The following FHIT variants were observed in gnomAD, a reference collection of about 807,000 sequenced individuals.
FHIT encodes bis(5'-adenosyl)-triphosphatase.
In FHIT, 19 loss-of-function variants were observed where a neutral mutation model predicts 17.9. That is an observed-to-expected ratio of 1.06 (90% CI 0.74 to 1.56). The LOEUF (loss-of-function observed/expected upper bound fraction) is 1.56. Ranked by LOEUF, FHIT falls within the 40% of genes most tolerant of loss-of-function variation. The pLI is 0.00. For missense variants in FHIT, 248 were observed against 189.2 expected (o/e 1.31, Z -1.82); for synonymous variants, 81 against 69.7 (o/e 1.16, Z -0.81).
At chr3:60,945,297 T>A (rs1553775480) in intron 3 of FHIT, among the ~76,000 whole-genome samples, 1 of 152,218 alleles carries the variant, frequency 6.6e-6, no homozygotes, top group Admixed American at 6.5e-5. Context: ...GAGAGTGGTA[T>A]GAGACTAGGT....
At chr3:59,804,085 T>A (rs996587520) in intron 8 of FHIT, among the ~76,000 whole-genome samples, 16 of 152,320 alleles carry the variant, frequency 1.1e-4, no homozygotes, top group Admixed American at 8.5e-4. Flanking sequence ...TGTGGCTTGA[T>A]CATGACATAT....
At chr3:61,242,009 G>C (rs1339994516) in intron 1 of FHIT, among the ~76,000 whole-genome samples, 2 of 152,150 alleles carry the variant, frequency 1.3e-5, no homozygotes, top group Admixed American at 6.5e-5. Flanking sequence ...ATAACCTCCT[G>C]GTGGGCAGAA....
At chr3:60,184,012 G>A (rs535584127) in intron 5 of FHIT, among the ~76,000 whole-genome samples, 1 of 143,676 alleles carries the variant, frequency 7.0e-6, no homozygotes, top group East Asian at 2.0e-4. Context: ...TTTTTTTTGA[G>A]TCAGGGTCTT....
chr3:60,369,590 C>A (rs1011773116), intron 5 of FHIT, among the ~76,000 whole-genome samples: 2 of 152,290 alleles, frequency 1.3e-5, no homozygotes, highest in African/African-American at 4.8e-5. Flanking sequence ...GATCCTTTCA[C>A]GCTTGCTTTT....
chr3:60,297,476 C>T (rs1346851809), intron 5 of FHIT, among the ~76,000 whole-genome samples: 1 of 151,816 alleles, frequency 6.6e-6, no homozygotes, highest in African/African-American at 2.4e-5. Context: ...ATATGCTGGT[C>T]TAATATCCTG....
Position 60,690,279 on chromosome 3 carries a change from G to A in FHIT, c.-18+131640C>T, listed in dbSNP as rs575694677. On this transcript the variant is annotated intron_variant, in intron 4 of 9. Transcript: ENST00000492590. ...CCTTCTTGCTAGTCTTGCCATTCCT[G>A]AACACAAAGCGCTCCATGGCCTCCA... 4 of 552,062 alleles carry A rather than the reference G, an allele frequency of 7.2e-6. 1 individual carries two copies. Among genetic ancestry groups the A allele is most frequent in the South Asian group, 5.6e-5 (4 of 71,764 alleles). 34.2% of individuals were successfully genotyped at this position (552,062 alleles called of 1,614,324 possible). A position where few individuals can be genotyped will look rare whatever the true frequency, so the allele number is the denominator to read the frequency against.
chr3:60,295,643 T>C (rs1708173083), intron 5 of FHIT, among the ~76,000 whole-genome samples: 1 of 152,088 alleles, frequency 6.6e-6, no homozygotes, highest in African/African-American at 2.4e-5. Flanking sequence ...GGGGATCAAA[T>C]TTTGACGTGA....
chr3:60,533,832 C>A (rs545912227), intron 5 of FHIT, among the ~76,000 whole-genome samples: 5 of 152,142 alleles, frequency 3.3e-5, no homozygotes, highest in African/African-American at 4.8e-5. Flanking sequence ...AACAGACATT[C>A]CTTATTGGTT....
intron 3 of FHIT, among the ~76,000 whole-genome samples, chr3:60,863,336 A>C (rs989717564): frequency 2.0e-5 from 3 of 152,210 alleles, no homozygotes; most frequent in African/African-American, 7.2e-5. Context: ...TAAGAAACAC[A>C]GCGCTGCTGA....
At chr3:60,485,611 A>G in intron 5 of FHIT, among the ~76,000 whole-genome samples, 1 of 149,950 alleles carries the variant, frequency 6.7e-6, no homozygotes. Context: ...ATGAGAATAC[A>G]TGGACACAGG....
intron 1 of FHIT, among the ~76,000 whole-genome samples, chr3:61,232,057 G>T (rs1253055454): frequency 1.3e-5 from 2 of 152,180 alleles, no homozygotes; most frequent in Admixed American, 1.3e-4. Context: ...TAACAAATAA[G>T]GCAATACAAG....
At chr3:59,837,827 T>C (rs1424643202) in intron 8 of FHIT, among the ~76,000 whole-genome samples, 2 of 152,138 alleles carry the variant, frequency 1.3e-5, no homozygotes, top group African/African-American at 4.8e-5. Context: ...CACTGTTTTC[T>C]GCAATGTAAA....
chr3:60,602,700 T>C (rs1254117321), intron 4 of FHIT, among the ~76,000 whole-genome samples: 1 of 152,116 alleles, frequency 6.6e-6, no homozygotes, highest in Non-Finnish European at 1.5e-5. Context: ...GCCTGTGCAA[T>C]GGACTGAATA....
chr3:60,750,432 T>A (rs2042442785), intron 4 of FHIT, among the ~76,000 whole-genome samples: 1 of 152,120 alleles, frequency 6.6e-6, no homozygotes, highest in South Asian at 2.1e-4. Flanking sequence ...CCACATGTTG[T>A]GGGAGGAACC....
chr3:59,821,753 TTTA>T (rs1294039510), intron 8 of FHIT, among the ~76,000 whole-genome samples: 1 of 152,132 alleles, frequency 6.6e-6, no homozygotes, highest in African/African-American at 2.4e-5. Flanking sequence ...AGAGTTTTTT[TTTA>T]AAAAAAATAT....
intron 5 of FHIT, among the ~76,000 whole-genome samples, chr3:60,019,121 T>C (rs949642001): frequency 6.6e-6 from 1 of 152,216 alleles, no homozygotes; most frequent in African/African-American, 2.4e-5. Flanking sequence ...TGGGCTCAGC[T>C]GCATCCACTA....
At chr3:60,848,156 A>G (rs1242619388) in intron 3 of FHIT, among the ~76,000 whole-genome samples, 1 of 152,076 alleles carries the variant, frequency 6.6e-6, no homozygotes, top group East Asian at 1.9e-4. Context: ...CTTTATTGAA[A>G]TCTGCTTCCA....
At chr3:59,854,729 G>T (rs1272937343) in intron 8 of FHIT, among the ~76,000 whole-genome samples, 2 of 152,094 alleles carry the variant, frequency 1.3e-5, no homozygotes, top group Non-Finnish European at 2.9e-5. Context: ...TTTGAACCGA[G>T]GTCCAGGAAA....
In FHIT at chr3:60,539,053, GC is replaced by G. The variant is rs529071513; in HGVS notation, c.-17-2075del. Among the ~76,000 whole-genome samples the G allele has an allele frequency of 8.1e-3, 1,238 of 152,048 alleles. 24 individuals carry two copies. Among genetic ancestry groups the G allele is most frequent in the African/African-American group, 0.029 (1,184 of 41,428 alleles). The stretch of plus-strand genomic sequence containing the variant: ...TTGCAATCTACTCATCTGACAAAGG[GC>G]TAATATCCAGAATCTACAAAGAACT... On this transcript the variant is annotated intron_variant, in intron 4 of 9. Transcript: ENST00000492590.
Sources: allele counts gnomAD v4.1 joint callset (sites outside exome capture counted in the v4.1 genomes callset), GRCh38; gene constraint gnomAD v4.1.1; transcripts MANE v1.5; gene names NCBI Gene and HGNC (gene_info 2026-07-23, HGNC 2026-07-21).